Variants in NUP88 observed in about 807,000 individuals in gnomAD.
NUP88 encodes the protein nuclear pore complex protein Nup88.
Under a neutral mutation model 93.9 loss-of-function variants are expected in NUP88, and 57 were observed. That is an observed-to-expected ratio of 0.61 (90% CI 0.49 to 0.76). The LOEUF (loss-of-function observed/expected upper bound fraction) is 0.76, where lower values mean the gene tolerates loss of function less well. Among genes scored for constraint, NUP88 ranks in the 30% least tolerant of loss-of-function variants. NUP88 has a pLI of 0.00. For synonymous variants in NUP88, 346 were observed against 336.8 expected (o/e 1.03, Z -0.30); for missense variants, 911 against 901.0 (o/e 1.01, Z -0.14).
intron 1 of NUP88, among the ~76,000 whole-genome samples, chr17:5,417,654 C>T (rs555547817): frequency 1.3e-5 from 2 of 152,178 alleles, no homozygotes; most frequent in African/African-American, 2.4e-5. Context: ...GCCTGGTTAA[C>T]ATGGTGAAAC....
At chr17:5,399,053 G>A (rs368839627) in intron 8 of NUP88, among the ~76,000 whole-genome samples, 2 of 150,376 alleles carry the variant, frequency 1.3e-5, no homozygotes, top group Non-Finnish European at 3.0e-5. Flanking sequence ...CACGCCCGGA[G>A]AATTTATTTT....
rs773371257 is a variant in NUP88, at chr17:5,419,444, G to C, written c.207C>G (p.Phe69Leu). 6.2e-7 allele frequency: 1 copy of C among 1,614,014 alleles called. No individual in the cohort carries two copies. Among genetic ancestry groups the C allele is most frequent in the Non-Finnish European group, 8.5e-7 (1 of 1,179,962 alleles). The change falls in exon 1 of 17, where the codon TTC (phenylalanine) becomes TTG (leucine). Residue 69 changes from phenylalanine (F) to leucine (L), a missense_variant. By Grantham distance (22) the Phe-to-Leu change is conservative. Coordinates refer to ENST00000573584, the MANE Select transcript of NUP88 (RefSeq NM_002532.6). ...AGGAGCTGTCTTCTCCGTCCCACAG[G>C]AAAAGCTCTCCGCCGAGGCCAAAGA... ...NVVFGLGGEL[F>L]LWDGEDSSFL...
chr17:5,387,676 A>G lies in NUP88; in HGVS notation c.1770-6T>C. 1 of 1,611,596 alleles carries G rather than the reference A, an allele frequency of 6.2e-7. No homozygotes were observed. The highest frequency in any genetic ancestry group is 8.5e-7 in the Non-Finnish European group (1 of 1,178,882). On this transcript the variant is annotated splice_region_variant and splice_polypyrimidine_tract_variant and intron_variant, in intron 12 of 16. Transcript: ENST00000573584. ...GGTCACATAATAATTTGACCCTTTA[A>G]AAACAAAAAGAAATAGAGTTTATTC...
chr17:5,402,096 A>G (rs1453090053), intron 7 of NUP88, among the ~76,000 whole-genome samples: 1 of 152,040 alleles, frequency 6.6e-6, no homozygotes, highest in East Asian at 1.9e-4. Flanking sequence ...GTGGACAGAT[A>G]AGGAGTTCGA....
At chr17:5,391,050 T>C (rs905931905) in intron 10 of NUP88, among the ~76,000 whole-genome samples, 2 of 152,162 alleles carry the variant, frequency 1.3e-5, no homozygotes, top group Non-Finnish European at 2.9e-5. Context: ...TTAAAGAGTA[T>C]GAGTATGGAC....
rs766364282 is a variant in NUP88 at position 5,391,669 on chromosome 17, A to C, written c.1383-7T>G. The C allele has an allele frequency of 4.4e-6, 7 of 1,608,488 alleles. No individual in the cohort carries two copies. The highest frequency in any genetic ancestry group is 6.0e-6 in the Non-Finnish European group (7 of 1,175,274). ...TCGAATTGGAGCTGGCTGCCTGGAA[A>C]AACACAGTCATAGTTAAATTACAAA... On this transcript the variant is annotated splice_region_variant and splice_polypyrimidine_tract_variant and intron_variant, in intron 9 of 16. Transcript: ENST00000573584.
At chr17:5,400,750 A>C (rs984669185) in intron 7 of NUP88, among the ~76,000 whole-genome samples, 6 of 152,188 alleles carry the variant, frequency 3.9e-5, no homozygotes, top group African/African-American at 1.4e-4. Context: ...ATCACAAAAG[A>C]CTTTAACACA....
At chr17:5,409,118 A>G (rs534532350) in intron 4 of NUP88, among the ~76,000 whole-genome samples, 56 of 152,340 alleles carry the variant, frequency 3.7e-4, no homozygotes, top group African/African-American at 1.3e-3. Context: ...TCATGCCTGT[A>G]ATCCCAGCAA....
chr17:5,386,989 T>G lies in NUP88; in HGVS notation c.2038A>C (p.Lys680Gln), dbSNP rs1339466844. The change falls in exon 15 of 17, where the codon AAA (lysine) becomes CAA (glutamine). Residue 680 changes from lysine to glutamine, a missense_variant. Transcript: ENST00000573584. ...DQLRHLGNAIKQVTMKKDYQQ... is the reference protein window; with the variant it reads ...DQLRHLGNAIQQVTMKKDYQQ... ...TAGTTTGGATCTATTCCTACCTGTTTGATGGCATTGCCCAAATGTCGAAGT... is the reference window on the plus strand; with the variant it reads ...TAGTTTGGATCTATTCCTACCTGTTGGATGGCATTGCCCAAATGTCGAAGT... 1 of 1,613,912 alleles carries G rather than the reference T, an allele frequency of 6.2e-7. No individual in the cohort carries two copies. The highest frequency in any genetic ancestry group is 8.5e-7 in the Non-Finnish European group (1 of 1,179,998).
At chr17:5,409,374 CAAAAAA>C (rs10611297) in intron 4 of NUP88, among the ~76,000 whole-genome samples, 8 of 99,816 alleles carry the variant, frequency 8.0e-5, no homozygotes, top group Admixed American at 1.1e-4. Flanking sequence ...AACTCCGTCT[CAAAAAA>C]AAAAAAAAAA....
chr17:5,415,052 C>G (rs1316532487), intron 2 of NUP88, among the ~76,000 whole-genome samples: 3 of 151,608 alleles, frequency 2.0e-5, no homozygotes, highest in Non-Finnish European at 4.4e-5. Context: ...TGAAGTCTCA[C>G]TCTGTGGCCC....
intron 1 of NUP88, among the ~76,000 whole-genome samples, chr17:5,417,037 GCTGGT>G (rs1914193881): frequency 1.3e-5 from 2 of 151,956 alleles, no homozygotes; most frequent in Non-Finnish European, 2.9e-5. Flanking sequence ...TGTTGCCCAG[GCTGGT>G]CTGAACACCT....
chr17:5,386,309 A>G (rs376709867), intron 16 of NUP88, 40 bp from the exon 17 acceptor site: 115 of 1,447,512 alleles, frequency 7.9e-5, no homozygotes, highest in Middle Eastern at 7.0e-4. Context: ...GAATTATAAT[A>G]AACCATTTAT....
Position 5,416,503 on chromosome 17 carries a change from T to C in NUP88, c.467+10A>G. On this transcript the variant is annotated intron_variant, in intron 2 of 16. Coordinates refer to ENST00000573584, the MANE Select transcript of NUP88 (RefSeq NM_002532.6). The stretch of plus-strand genomic sequence containing the variant: ...TAATAAATTATACAGATAAATAGTA[T>C]ACAACTTACCTACAATTCACTGTTG... The C allele has an allele frequency of 6.3e-7, 1 of 1,590,152 alleles. No individual in the cohort carries two copies. Among genetic ancestry groups the C allele is most frequent in the Non-Finnish European group, 8.6e-7 (1 of 1,164,886 alleles).
intron 2 of NUP88, among the ~76,000 whole-genome samples, chr17:5,415,027 T>C (rs955967440): frequency 6.6e-6 from 1 of 151,630 alleles, no homozygotes; most frequent in African/African-American, 2.4e-5. Context: ...ATTTTATTTG[T>C]TTATTTATTT....
intron 5 of NUP88, among the ~76,000 whole-genome samples, chr17:5,406,514 C>G (rs1159313463): frequency 2.0e-5 from 3 of 152,136 alleles, no homozygotes; most frequent in Admixed American, 2.0e-4. Flanking sequence ...TGGAGCCTCA[C>G]TTTACAAATC....
In NUP88 at chr17:5,406,550, G is replaced by A. The variant is rs536217805; in HGVS notation, c.858-1307C>T. 3.9e-4 allele frequency among the ~76,000 whole-genome samples: 59 copies of A among 152,280 alleles called. 1 individual carries two copies. The South Asian group carries it at 0.011, about 29-fold the overall frequency. ...AGTCTGGTATTAGGGAGGAAGACAT[G>A]GAAGGGTCCAAAATGGGATTTGGGG... On this transcript the variant is annotated intron_variant, in intron 5 of 16. Coordinates refer to ENST00000573584, the MANE Select transcript of NUP88 (RefSeq NM_002532.6).
Position 5,388,863 on chromosome 17 carries a change from A to T in NUP88, c.1582T>A (p.Ser528Thr), listed in dbSNP as rs757305897. ...PLRVLAETPD[S>T]FEKHIRSILQ... is the part of the protein sequence containing the mutation. ...ATGCTTCTAATATGCTTTTCAAAGG[A>T]ATCTGGGGTTTCAGCCAGAACACGG... The change falls in exon 11 of 17, where the codon TCC becomes ACC. Residue 528 changes from serine to threonine, a missense_variant. Ser to Thr is a moderately conservative substitution (Grantham distance 58). Transcript: ENST00000573584. The T allele has an allele frequency of 1.2e-6, 2 of 1,614,086 alleles. No homozygotes were observed. The highest frequency in any genetic ancestry group is 3.3e-5 in the Admixed American group (2 of 60,012).
rs1231905014 is a variant in NUP88 at position 5,399,613 on chromosome 17, T to C, written c.1230A>G (p.Glu410=). ...KCPSRYHCTH[E]AGVHSVGLTW... ...TTAGCCCAACACTATGTACACCAGC[T>C]TCATGAGTACAGTGATATCTTGAAG... The change falls in exon 8 of 17, where the codon GAA becomes GAG. Residue 410 remains glutamate, a synonymous_variant. Coordinates refer to ENST00000573584, the MANE Select transcript of NUP88 (RefSeq NM_002532.6). 3 of 1,609,364 alleles carry C rather than the reference T, an allele frequency of 1.9e-6. No homozygotes were observed.
Sources: allele counts gnomAD v4.1 joint callset (sites outside exome capture counted in the v4.1 genomes callset), GRCh38; gene constraint gnomAD v4.1.1; transcripts MANE v1.5; gene names NCBI Gene and HGNC (gene_info 2026-07-23, HGNC 2026-07-21).